The following RBMS1 variants were observed in gnomAD, a reference collection of about 807,000 sequenced individuals.
The protein encoded by RBMS1 is RNA binding motif single stranded interacting protein 1.
In RBMS1, 17 loss-of-function variants were observed where a neutral mutation model predicts 62.3. That is an observed-to-expected ratio of 0.27 (90% CI 0.19 to 0.41). The LOEUF is 0.41. Among genes scored for constraint, RBMS1 ranks in the 10% least tolerant of loss-of-function variants. The pLI is 1.00. For synonymous variants in RBMS1, 172 were observed against 170.0 expected (o/e 1.01, Z -0.09); for missense variants, 334 against 504.5 (o/e 0.66, Z 3.24).
chr2:160,299,190 G>C (rs1260286506), intron 6 of RBMS1, among the ~76,000 whole-genome samples: 1 of 152,210 alleles, frequency 6.6e-6, no homozygotes, highest in Non-Finnish European at 1.5e-5. Context: ...GCATAAATGG[G>C]AAGTAAGGAA....
At chr2:160,411,920 G>T (rs1054558250) in intron 1 of RBMS1, among the ~76,000 whole-genome samples, 1 of 152,176 alleles carries the variant, frequency 6.6e-6, no homozygotes. Context: ...TCTTTCTAAG[G>T]TTGTGTATAC....
chr2:160,325,939 G>A (rs574119122), intron 2 of RBMS1, among the ~76,000 whole-genome samples: 1 of 152,194 alleles, frequency 6.6e-6, no homozygotes, highest in South Asian at 2.1e-4. Flanking sequence ...AAAAATTAAG[G>A]GTATAGAAAG....
chr2:160,433,479 G>T (rs1452718620), intron 1 of RBMS1, among the ~76,000 whole-genome samples: 2 of 152,220 alleles, frequency 1.3e-5, no homozygotes, highest in East Asian at 3.9e-4. Flanking sequence ...ATGAGAACTT[G>T]AGTTCACTGA....
At chr2:160,301,439 CTA>C (rs1414977300) in intron 5 of RBMS1, among the ~76,000 whole-genome samples, 1 of 152,178 alleles carries the variant, frequency 6.6e-6, no homozygotes, top group Non-Finnish European at 1.5e-5. Context: ...TAAAAACACT[CTA>C]TACTCCTGGA....
At chr2:160,359,566 G>C (rs1474124618) in intron 2 of RBMS1, among the ~76,000 whole-genome samples, 2 of 152,110 alleles carry the variant, frequency 1.3e-5, no homozygotes, top group East Asian at 3.9e-4. Flanking sequence ...TCCTATTTCA[G>C]GTAATTTCTA....
At chr2:160,410,887 G>A (rs1462340103) in intron 1 of RBMS1, among the ~76,000 whole-genome samples, 2 of 152,222 alleles carry the variant, frequency 1.3e-5, no homozygotes, top group African/African-American at 4.8e-5. Flanking sequence ...GGGACTACAG[G>A]CGTGTGCCAC....
chr2:160,313,967 C>G (rs1690073091), intron 3 of RBMS1, among the ~76,000 whole-genome samples: 1 of 152,164 alleles, frequency 6.6e-6, no homozygotes, highest in African/African-American at 2.4e-5. Context: ...GTTTCCTTAT[C>G]CATAGCTTTA....
intron 1 of RBMS1, among the ~76,000 whole-genome samples, chr2:160,469,276 C>T (rs1414255207): frequency 1.3e-5 from 2 of 152,192 alleles, no homozygotes; most frequent in African/African-American, 2.4e-5. Context: ...AGTTTACCCT[C>T]GTTTTCAACC....
chr2:160,428,107 TTAA>T (rs1682721657), intron 1 of RBMS1, among the ~76,000 whole-genome samples: 1 of 152,098 alleles, frequency 6.6e-6, no homozygotes, highest in Non-Finnish European at 1.5e-5. Flanking sequence ...CCTACATATT[TTAA>T]TCACCAGTTT....
intron 1 of RBMS1, among the ~76,000 whole-genome samples, chr2:160,471,689 G>GGGTATATATATATATA (rs1684917076): frequency 4.2e-5 from 1 of 23,850 alleles, no homozygotes; most frequent in South Asian, 2.5e-3. Flanking sequence ...AAATCCTTTG[G>GGGTATATATATATATA]TGTATATATA....
At chr2:160,425,276 T>C (rs1293502980) in intron 1 of RBMS1, among the ~76,000 whole-genome samples, 1 of 152,232 alleles carries the variant, frequency 6.6e-6, no homozygotes, top group Non-Finnish European at 1.5e-5. Context: ...CTTTTTAACC[T>C]AAAGGGAGAT....
At chr2:160,282,962 G>C (rs1168364451) in intron 9 of RBMS1, 1 of 152,172 alleles carries the variant, frequency 6.6e-6, no homozygotes, top group Admixed American at 6.6e-5. Context: ...ATGTATCTTA[G>C]AGAAATACAG....
intron 1 of RBMS1, among the ~76,000 whole-genome samples, chr2:160,384,348 A>G (rs1465268307): frequency 6.6e-6 from 1 of 152,224 alleles, no homozygotes; most frequent in Non-Finnish European, 1.5e-5. Flanking sequence ...AGAAAACAGC[A>G]GATGTCCCAA....
chr2:160,384,853 C>T (rs1402533809), intron 1 of RBMS1, among the ~76,000 whole-genome samples: 2 of 152,202 alleles, frequency 1.3e-5, no homozygotes, highest in Non-Finnish European at 1.5e-5. Context: ...ATGTGATCCC[C>T]ACTGTTGAAG....
At chr2:160,359,100 T>C (rs558722810) in intron 2 of RBMS1, among the ~76,000 whole-genome samples, 87 of 152,310 alleles carry the variant, frequency 5.7e-4, no homozygotes, top group Admixed American at 5.4e-3. Flanking sequence ...CCATAACCAC[T>C]ATCACCATCA....
At chr2:160,445,658 A>G (rs62179064) in intron 1 of RBMS1, among the ~76,000 whole-genome samples, 42,915 of 152,120 alleles carry the variant, frequency 0.28, 6,688 homozygotes, top group East Asian at 0.6. Flanking sequence ...GAGTAGCCAC[A>G]ATGTGCTTGC....
intron 2 of RBMS1, among the ~76,000 whole-genome samples, chr2:160,355,288 C>T (rs1309779469): frequency 6.6e-6 from 1 of 152,072 alleles, no homozygotes; most frequent in Non-Finnish European, 1.5e-5. Flanking sequence ...CTCTTCTGCA[C>T]TGAAGATTCA....
intron 2 of RBMS1, among the ~76,000 whole-genome samples, chr2:160,361,328 T>C (rs1157590137): frequency 1.3e-5 from 2 of 152,232 alleles, no homozygotes; most frequent in African/African-American, 2.4e-5. Flanking sequence ...GGGAGAGCCA[T>C]TACCAAATCT....
intron 2 of RBMS1, among the ~76,000 whole-genome samples, chr2:160,325,623 C>T (rs1690878819): frequency 6.6e-6 from 1 of 152,102 alleles, no homozygotes; most frequent in Non-Finnish European, 1.5e-5. Flanking sequence ...TGCTTTAGCT[C>T]TTTCAACAGT....
Sources: gnomAD v4.1 joint callset for allele counts (sites outside exome capture counted in the v4.1 genomes callset) on GRCh38, gnomAD v4.1.1 for gene constraint, MANE v1.5 for transcripts, NCBI Gene and HGNC (gene_info 2026-07-23, HGNC 2026-07-21) for gene names.